FAM193A: variants seen among roughly 807,000 people sequenced by gnomAD.
The protein encoded by FAM193A is protein FAM193A.
A neutral mutation model predicts 126.5 loss-of-function variants in FAM193A; 22 were observed. The observed-to-expected ratio is 0.17, with a 90% CI of 0.12 to 0.25. FAM193A has a LOEUF of 0.25. Ranked by LOEUF, FAM193A falls within the 10% of genes least tolerant of loss-of-function variation. FAM193A has a pLI of 1.00. For missense variants in FAM193A, 1,675 were observed against 1,672.8 expected, an observed-to-expected ratio of 1.00 and a Z score of -0.02; for synonymous variants, 761 against 646.8, an observed-to-expected ratio of 1.18 and a Z score of -2.68.
At chr4:2,544,227 A>G (rs1222782666) in intron 1 of FAM193A, among the ~76,000 whole-genome samples, 1 of 152,140 alleles carries the variant, frequency 6.6e-6, no homozygotes, top group Non-Finnish European at 1.5e-5. Context: ...GTGATTCAGT[A>G]TTTTTTCTAT....
At chr4:2,549,184 C>A (rs866111007) in intron 1 of FAM193A, among the ~76,000 whole-genome samples, 1 of 151,676 alleles carries the variant, frequency 6.6e-6, no homozygotes. Flanking sequence ...AGTGATGGGC[C>A]CACCTCAGCC....
intron 1 of FAM193A, among the ~76,000 whole-genome samples, chr4:2,574,051 T>C (rs532091482): frequency 2.6e-5 from 4 of 152,148 alleles, no homozygotes; most frequent in South Asian, 4.2e-4. Context: ...TTTATTGTGT[T>C]ATGAGGGGAT....
intron 12 of FAM193A, among the ~76,000 whole-genome samples, chr4:2,669,603 G>A (rs770401134): frequency 4.6e-5 from 7 of 152,212 alleles, no homozygotes; most frequent in South Asian, 4.1e-4. Context: ...GTGAGACTCC[G>A]TCTCAACAAT....
chr4:2,601,906 T>C (rs895498345), intron 2 of FAM193A, among the ~76,000 whole-genome samples: 4 of 152,132 alleles, frequency 2.6e-5, no homozygotes, highest in African/African-American at 9.7e-5. Flanking sequence ...TGGCGTGATC[T>C]TGGCTCACTG....
At position 2,631,006 on chromosome 4, in the gene FAM193A, T is replaced by C; in HGVS notation, c.875T>C (p.Met292Thr). ...CAAGCTCGAGAGTATGTGCTGGAGA[T>C]GAAGGTCCGCCTGCTCCGGCAGCTG... ...EQQAREYVLE[M>T]KVRLLRQLSA... Residue 292 changes from methionine to threonine, a missense_variant, in exon 5 of 21, where the codon ATG (methionine) becomes ACG (threonine). Coordinates refer to ENST00000637812, the MANE Select transcript of FAM193A (RefSeq NM_001366318.2). 6.2e-7 allele frequency: 1 copy of C among 1,613,520 alleles called. No individual in the cohort carries two copies. The highest frequency in any genetic ancestry group is 1.1e-5 in the South Asian group (1 of 91,058).
intron 19 of FAM193A, among the ~76,000 whole-genome samples, chr4:2,701,843 C>A (rs1717769014): frequency 6.6e-6 from 1 of 150,844 alleles, no homozygotes; most frequent in Admixed American, 6.6e-5. Context: ...GTGGCACGAT[C>A]TCAGCTCACC....
chr4:2,618,627 C>G (rs1024219313), intron 2 of FAM193A, among the ~76,000 whole-genome samples: 1 of 116,464 alleles, frequency 8.6e-6, no homozygotes, highest in East Asian at 2.6e-4. Context: ...CGAAGTTTTG[C>G]TCTTGTTGCC....
intron 2 of FAM193A, among the ~76,000 whole-genome samples, chr4:2,618,510 C>T (rs995868132): frequency 2.0e-5 from 3 of 151,688 alleles, no homozygotes; most frequent in African/African-American, 4.8e-5. Context: ...TCACTACAAC[C>T]TCTGCCTCCT....
intron 13 of FAM193A, among the ~76,000 whole-genome samples, chr4:2,678,259 C>T (rs1364051327): frequency 1.3e-5 from 2 of 152,036 alleles, no homozygotes; most frequent in Non-Finnish European, 2.9e-5. Context: ...GGTGGGATTA[C>T]AGGCGTGAGC....
chr4:2,613,866 C>T (rs908249811), intron 2 of FAM193A, among the ~76,000 whole-genome samples: 1 of 151,364 alleles, frequency 6.6e-6, no homozygotes, highest in Non-Finnish European at 1.5e-5. Flanking sequence ...TCCTGGGTCC[C>T]GGTTCAAGCA....
chr4:2,628,329 C>G (rs1009284682), intron 4 of FAM193A, among the ~76,000 whole-genome samples: 1 of 152,146 alleles, frequency 6.6e-6, no homozygotes, highest in Non-Finnish European at 1.5e-5. Flanking sequence ...TGCATGAGGT[C>G]CCTCTCTGTG....
intron 4 of FAM193A, among the ~76,000 whole-genome samples, chr4:2,626,883 T>C (rs781462372): frequency 3.3e-5 from 5 of 152,200 alleles, no homozygotes; most frequent in Non-Finnish European, 7.3e-5. Context: ...GTGCCAGGGA[T>C]GATGCAGAGT....
chr4:2,669,750 G>A (rs1329788325), intron 12 of FAM193A, among the ~76,000 whole-genome samples: 4 of 152,312 alleles, frequency 2.6e-5, no homozygotes, highest in Admixed American at 2.0e-4. Flanking sequence ...TTCCACACCA[G>A]AGTGTTACTC....
chr4:2,664,626 G>A (rs928146793), intron 12 of FAM193A, among the ~76,000 whole-genome samples: 4 of 137,578 alleles, frequency 2.9e-5, no homozygotes, highest in Non-Finnish European at 6.1e-5. Flanking sequence ...GAGTGCAGTG[G>A]CGCGATCTCG....
At chr4:2,672,482 T>A in intron 13 of FAM193A, 110 bp downstream of exon 13, 1 of 1,197,086 alleles carries the variant, frequency 8.4e-7, no homozygotes, top group African/African-American at 1.5e-5. Flanking sequence ...GGATAGCATC[T>A]GCTCTGGATA....
chr4:2,685,474 C>T (rs1329733959), intron 13 of FAM193A, among the ~76,000 whole-genome samples: 1 of 152,172 alleles, frequency 6.6e-6, no homozygotes, highest in Non-Finnish European at 1.5e-5. Flanking sequence ...TGATCTTCGA[C>T]CTGCATGTTC....
intron 19 of FAM193A, among the ~76,000 whole-genome samples, chr4:2,703,384 T>G (rs1717955138): frequency 3.3e-5 from 5 of 152,090 alleles, no homozygotes; most frequent in Admixed American, 3.3e-4. Context: ...GTAGCTGAAA[T>G]TACAGGCACG....
chr4:2,687,644 C>A (rs1406235790), intron 13 of FAM193A, among the ~76,000 whole-genome samples: 1 of 152,212 alleles, frequency 6.6e-6, no homozygotes, highest in Non-Finnish European at 1.5e-5. Context: ...CCTTTCCTTG[C>A]CACCTTCACT....
At chr4:2,596,492 C>T (rs923344189) in intron 2 of FAM193A, among the ~76,000 whole-genome samples, 163 bp downstream of exon 2, 1 of 152,244 alleles carries the variant, frequency 6.6e-6, no homozygotes, top group African/African-American at 2.4e-5. Context: ...CTGGTCTTCC[C>T]TGGCCACACT....
Sources: gnomAD v4.1 joint callset for allele counts (sites outside exome capture counted in the v4.1 genomes callset) on GRCh38, gnomAD v4.1.1 for gene constraint, MANE v1.5 for transcripts, NCBI Gene and HGNC (gene_info 2026-07-23, HGNC 2026-07-21) for gene names.